Variants in TSHR observed in about 807,000 individuals in gnomAD.
TSHR encodes thyrotropin receptor.
A neutral mutation model predicts 64.1 loss-of-function variants in TSHR; 51 were observed. That is an observed-to-expected ratio of 0.80 (90% CI 0.64 to 1.01). The LOEUF (loss-of-function observed/expected upper bound fraction) is 1.01. Among genes scored for constraint, TSHR ranks in the 50% least tolerant of loss-of-function variants. TSHR has a pLI of 0.00. For missense variants in TSHR, 877 were observed against 942.8 expected, an observed-to-expected ratio of 0.93 and a Z score of 0.91; for synonymous variants, 361 against 361.9, an observed-to-expected ratio of 1.00 and a Z score of 0.03.
At chr14:81,038,299 C>G (rs111318920) in intron 1 of TSHR, among the ~76,000 whole-genome samples, 37 of 150,998 alleles carry the variant, frequency 2.5e-4, no homozygotes, top group African/African-American at 8.0e-4. Flanking sequence ...AAAATGGAAA[C>G]ACAACACACC....
chr14:81,073,017 A>AAAAAAAAAAAATATATATATAT (rs1555376957), intron 3 of TSHR, among the ~76,000 whole-genome samples: 1 of 91,216 alleles, frequency 1.1e-5, no homozygotes, highest in African/African-American at 4.5e-5. Flanking sequence ...AAAAATAAAA[A>AAAAAAAAAAAATATATATATAT]ATAAATATAT....
chr14:81,062,857 C>A (rs1333428768), intron 2 of TSHR, among the ~76,000 whole-genome samples: 2 of 152,066 alleles, frequency 1.3e-5, no homozygotes, highest in African/African-American at 4.8e-5. Context: ...AATAATATAA[C>A]CAGAAGCAAC....
intron 8 of TSHR, among the ~76,000 whole-genome samples, chr14:81,116,157 C>T (rs1293374919): frequency 6.6e-6 from 1 of 151,590 alleles, no homozygotes; most frequent in Non-Finnish European, 1.5e-5. Context: ...ATCAGAATGA[C>T]AGGATCAAAT....
chr14:81,062,584 C>A (rs986393119), intron 2 of TSHR, among the ~76,000 whole-genome samples: 5 of 152,060 alleles, frequency 3.3e-5, no homozygotes, highest in Admixed American at 2.0e-4. Flanking sequence ...ATCCATCTGT[C>A]CTAGTCACCA....
At chr14:80,970,320 C>A (rs1156719366) in intron 1 of TSHR, among the ~76,000 whole-genome samples, 2 of 152,150 alleles carry the variant, frequency 1.3e-5, no homozygotes, top group Admixed American at 1.3e-4. Flanking sequence ...CTGTGCTCAC[C>A]TTATTTTATG....
At chr14:81,083,691 ACT>A (rs1888074327) in intron 3 of TSHR, among the ~76,000 whole-genome samples, 1 of 152,044 alleles carries the variant, frequency 6.6e-6, no homozygotes, top group African/African-American at 2.4e-5. Context: ...AAAAAAGTAC[ACT>A]GTTTCTTTTT....
chr14:81,001,648 C>T, intron 1 of TSHR: 2 of 519,142 alleles, frequency 3.9e-6, no homozygotes, highest in Non-Finnish European at 7.7e-6. Flanking sequence ...TGTGAAGTGA[C>T]ATCTTTCAGA....
intron 8 of TSHR, among the ~76,000 whole-genome samples, chr14:81,118,625 C>G (rs1371797224): frequency 6.6e-6 from 1 of 152,056 alleles, no homozygotes; most frequent in East Asian, 1.9e-4. Context: ...AGATTCAATG[C>G]CATCCCCATC....
chr14:81,087,272 A>G (rs1409135120), intron 3 of TSHR, among the ~76,000 whole-genome samples: 1 of 152,240 alleles, frequency 6.6e-6, no homozygotes, highest in Non-Finnish European at 1.5e-5. Flanking sequence ...CCTATGTTGA[A>G]TATGTTTAAT....
At chr14:81,092,641 C>G in intron 6 of TSHR, 33 bp downstream of exon 6, 2 of 1,598,934 alleles carry the variant, frequency 1.3e-6, no homozygotes, top group Non-Finnish European at 1.7e-6. Context: ...CCTCCATCAA[C>G]TAAATTCTAT....
intron 8 of TSHR, among the ~76,000 whole-genome samples, chr14:81,136,021 A>G (rs1254226224): frequency 6.6e-6 from 1 of 152,216 alleles, no homozygotes; most frequent in African/African-American, 2.4e-5. Flanking sequence ...GATGTCTTCA[A>G]GTATAATAGA....
chr14:81,114,100 G>C (rs1365057483), intron 8 of TSHR, among the ~76,000 whole-genome samples: 1 of 149,842 alleles, frequency 6.7e-6, no homozygotes, highest in African/African-American at 2.5e-5. Flanking sequence ...AGAGATGAGA[G>C]TACTGAGGAA....
rs972037096 is a variant in TSHR at position 81,017,787 on chromosome 14, C to T, written c.171-44361C>T. Among the ~76,000 whole-genome samples, 5 of 151,910 alleles carry T rather than the reference C, an allele frequency of 3.3e-5. No homozygotes were observed. In the South Asian group the frequency reaches 1.0e-3, roughly 32 times the overall value. On this transcript the variant is annotated intron_variant, in intron 1 of 9. Coordinates refer to ENST00000298171, the MANE Select transcript of TSHR (RefSeq NM_000369.5). ...CCACATCTCATTTGTGCTGTCACTT[C>T]CCCTGGGAAGCCTGATCACCCCAAA...
intron 1 of TSHR, among the ~76,000 whole-genome samples, chr14:81,048,322 G>GA (rs1373467627): frequency 8.6e-5 from 13 of 151,732 alleles, no homozygotes; most frequent in African/African-American, 2.7e-4. Flanking sequence ...TAATGTTGAT[G>GA]AAAAAAAACA....
chr14:81,036,756 A>G (rs1884646560), intron 1 of TSHR, among the ~76,000 whole-genome samples: 1 of 152,228 alleles, frequency 6.6e-6, no homozygotes, highest in African/African-American at 2.4e-5. Flanking sequence ...GAAGATTAAA[A>G]GTCAAAATGG....
intron 1 of TSHR, among the ~76,000 whole-genome samples, chr14:80,958,955 C>A (rs865929001): frequency 6.6e-6 from 1 of 152,110 alleles, no homozygotes; most frequent in Non-Finnish European, 1.5e-5. Context: ...GCTGTATAAC[C>A]ACTTCTTAGA....
intron 1 of TSHR, among the ~76,000 whole-genome samples, chr14:81,059,881 T>G (rs1886106920): frequency 1.3e-5 from 2 of 152,144 alleles, no homozygotes; most frequent in Non-Finnish European, 1.5e-5. Context: ...AGATCTTTGT[T>G]CAGAACTGTA....
intron 8 of TSHR, among the ~76,000 whole-genome samples, chr14:81,136,460 G>A (rs1211681927): frequency 6.6e-6 from 1 of 152,136 alleles, no homozygotes; most frequent in South Asian, 2.1e-4. Context: ...GTGGATGAGA[G>A]TGTCAATTAC....
At chr14:81,087,794 A>G (rs79742758) in intron 3 of TSHR, 160 bp from the exon 4 acceptor site, 9,764 of 697,998 alleles carry the variant, frequency 0.014, 356 homozygotes, top group African/African-American at 0.1. Context: ...GTAGTTTGTC[A>G]TTGATGGGAC....
Sources: allele counts gnomAD v4.1 joint callset (sites outside exome capture counted in the v4.1 genomes callset), GRCh38; gene constraint gnomAD v4.1.1; transcripts MANE v1.5; gene names NCBI Gene and HGNC (gene_info 2026-07-23, HGNC 2026-07-21).